WDR27: variants seen among roughly 807,000 people sequenced by gnomAD.
The protein encoded by WDR27 is WD repeat domain 27.
In WDR27, 100 loss-of-function variants were observed where a neutral mutation model predicts 114.4. That is an observed-to-expected ratio of 0.87 (90% CI 0.74 to 1.03). The LOEUF (loss-of-function observed/expected upper bound fraction) is 1.03. WDR27 is among the 50% of genes least tolerant of loss of function. The pLI, the probability that WDR27 is intolerant of heterozygous loss-of-function variation, is 0.00. For synonymous variants in WDR27, 449 were observed against 423.1 expected (o/e 1.06, Z -0.75); for missense variants, 1,129 against 1,092.9 (o/e 1.03, Z -0.47).
Position 169,465,265 on chromosome 6 carries a change from A to G in WDR27, c.2646-7631T>C, listed in dbSNP as rs1022854415. Among the ~76,000 whole-genome samples, 437 of 149,762 alleles carry G rather than the reference A, an allele frequency of 2.9e-3. 1 individual carries two copies. The highest frequency in any genetic ancestry group is 4.0e-3 in the Non-Finnish European group (267 of 67,232). On this transcript the variant is annotated intron_variant, in intron 25 of 25. Coordinates refer to ENST00000448612, the MANE Select transcript of WDR27 (RefSeq NM_182552.5). ...AAGAGCAAAACTCCATCTCAAAAAAAAAAAAAAAAAAAAAAAGAAATAAAG... is the reference window on the plus strand; with the variant it reads ...AAGAGCAAAACTCCATCTCAAAAAAGAAAAAAAAAAAAAAAAGAAATAAAG...
chr6:169,566,536 C>T (rs9371144), intron 25 of WDR27, among the ~76,000 whole-genome samples: 14,832 of 152,240 alleles, frequency 0.097, 1,781 homozygotes, highest in East Asian at 0.58. Context: ...AATATTTTGA[C>T]GATGACCATT....
At chr6:169,574,786 G>A (rs1020428388) in intron 24 of WDR27, among the ~76,000 whole-genome samples, 1 of 152,164 alleles carries the variant, frequency 6.6e-6, no homozygotes, top group Non-Finnish European at 1.5e-5. Context: ...GAGGGGCCAG[G>A]CCAGCCACAC....
At position 169,628,398 on chromosome 6, in the gene WDR27, G is replaced by A. The variant is rs1017065970; in HGVS notation, c.2223+4549C>T. 5.9e-5 allele frequency among the ~76,000 whole-genome samples: 9 copies of A among 152,158 alleles called. 1 individual carries two copies. The highest frequency in any genetic ancestry group is 2.0e-4 in the Admixed American group (3 of 15,274). The stretch of plus-strand genomic sequence containing the variant: ...TTTGGAGCCTCATGCGCATCAGCCC[G>A]CCTGCAGGATTTAAAATATGAGTCG... On this transcript the variant is annotated intron_variant, in intron 21 of 25. Coordinates refer to ENST00000448612, the MANE Select transcript of WDR27 (RefSeq NM_182552.5).
intron 16 of WDR27, among the ~76,000 whole-genome samples, chr6:169,645,766 A>C (rs1356264521): frequency 6.8e-6 from 1 of 147,132 alleles, no homozygotes; most frequent in Non-Finnish European, 1.5e-5. Context: ...GTCACACTGT[A>C]GAAAAGCCTA....
At chr6:169,460,223 C>T (rs1784750401) in intron 25 of WDR27, among the ~76,000 whole-genome samples, 1 of 152,016 alleles carries the variant, frequency 6.6e-6, no homozygotes, top group Non-Finnish European at 1.5e-5. Context: ...GACACTAATG[C>T]ATTTAAAAGA....
intron 22 of WDR27, among the ~76,000 whole-genome samples, chr6:169,602,915 C>T (rs1808311945): frequency 6.7e-6 from 1 of 149,490 alleles, no homozygotes; most frequent in Admixed American, 6.7e-5. Context: ...GATCTAGGCT[C>T]ACTGCAACCT....
chr6:169,633,231 C>T (rs1244896645), intron 20 of WDR27, among the ~76,000 whole-genome samples, 163 bp from the exon 21 acceptor site: 1 of 152,202 alleles, frequency 6.6e-6, no homozygotes, highest in Non-Finnish European at 1.5e-5. Context: ...TGAGTCCAGT[C>T]CAGCCCCACC....
chr6:169,574,665 C>T (rs934506535), intron 24 of WDR27, among the ~76,000 whole-genome samples: 2 of 152,120 alleles, frequency 1.3e-5, no homozygotes, highest in African/African-American at 4.8e-5. Flanking sequence ...GGAGAGGGTG[C>T]CAGCTTCCAG....
At chr6:169,577,617 C>T (rs1802622957) in intron 24 of WDR27, among the ~76,000 whole-genome samples, 1 of 152,170 alleles carries the variant, frequency 6.6e-6, no homozygotes. Context: ...CAAGAACCGG[C>T]CCTGCGTGGG....
At chr6:169,430,139 C>G in the WDR27 span, among the ~76,000 whole-genome samples, 1 of 152,210 alleles carries the variant, frequency 6.6e-6, no homozygotes, top group East Asian at 1.9e-4. Context: ...ACACGTCAAA[C>G]CCACCATATG....
intron 2 of WDR27, among the ~76,000 whole-genome samples, chr6:169,682,796 G>C (rs1325564249): frequency 6.6e-6 from 1 of 152,094 alleles, no homozygotes; most frequent in African/African-American, 2.4e-5. Context: ...ATTCAAAATA[G>C]CTGTTTTAAG....
downstream of WDR27, among the ~76,000 whole-genome samples, chr6:169,454,763 G>C (rs745397): frequency 0.33 from 50,262 of 152,102 alleles, 9,811 homozygotes; most frequent in African/African-American, 0.54. Context: ...GCAAGCACCA[G>C]AAGGAATCTT....
At chr6:169,653,999 C>T (rs1054921292) in intron 13 of WDR27, among the ~76,000 whole-genome samples, 19 of 152,200 alleles carry the variant, frequency 1.2e-4, no homozygotes, top group Non-Finnish European at 2.5e-4. Context: ...ACCCAAACCC[C>T]TAGAAAGCAA....
intron 25 of WDR27, among the ~76,000 whole-genome samples, chr6:169,541,463 G>A (rs1034182092): frequency 3.3e-5 from 5 of 152,184 alleles, no homozygotes; most frequent in African/African-American, 1.2e-4. Context: ...CACAGCACAG[G>A]GCAGCACCGC....
rs554511800 is a variant in WDR27, at chr6:169,701,069, A to G, written c.-8+482T>C. Among the ~76,000 whole-genome samples the G allele has an allele frequency of 3.2e-4, 48 of 152,370 alleles. No individual in the cohort carries two copies. In the South Asian group the frequency reaches 9.7e-3, roughly 31 times the overall value. ...TCAGTAAACACAAGATAGTAATCCC[A>G]GATAAACTGGAAGCTGTAGAGTTAA... is the stretch of plus-strand genomic sequence containing the variant. On this transcript the variant is annotated intron_variant, in intron 1 of 25. Coordinates refer to ENST00000448612, the MANE Select transcript of WDR27 (RefSeq NM_182552.5).
rs371573664 is a variant in WDR27 at position 169,627,292 on chromosome 6, C to T, written c.2223+5655G>A. Among the ~76,000 whole-genome samples the T allele has an allele frequency of 2.2e-4, 33 of 152,274 alleles. 1 individual carries two copies. In the South Asian group the frequency reaches 2.5e-3, roughly 11 times the overall value. On this transcript the variant is annotated intron_variant, in intron 21 of 25. Coordinates refer to ENST00000448612, the MANE Select transcript of WDR27 (RefSeq NM_182552.5). ...TTTTTAAAAACAAATCTTAATTATGCTACAAATTCACTTCCTATATCTTCG... is the reference window on the plus strand; with the variant it reads ...TTTTTAAAAACAAATCTTAATTATGTTACAAATTCACTTCCTATATCTTCG...
intron 17 of WDR27, among the ~76,000 whole-genome samples, chr6:169,639,004 T>C (rs1304014901): frequency 1.3e-5 from 2 of 149,534 alleles, no homozygotes; most frequent in Non-Finnish European, 3.0e-5. Flanking sequence ...GGGTACTGCG[T>C]GGTGCTGGAT....
intron 25 of WDR27, among the ~76,000 whole-genome samples, chr6:169,563,261 C>T (rs1799930066): frequency 6.6e-6 from 1 of 152,168 alleles, no homozygotes; most frequent in Non-Finnish European, 1.5e-5. Context: ...AACTCCGCTG[C>T]AGCCAGGGTC....
At chr6:169,583,252 G>A (rs1803818765) in intron 23 of WDR27, among the ~76,000 whole-genome samples, 1 of 147,204 alleles carries the variant, frequency 6.8e-6, no homozygotes, top group African/African-American at 2.5e-5. Context: ...TTTAAGGAAG[G>A]AGTATAGATT....
Sources: gnomAD v4.1 joint callset for allele counts (sites outside exome capture counted in the v4.1 genomes callset) on GRCh38, gnomAD v4.1.1 for gene constraint, MANE v1.5 for transcripts, NCBI Gene and HGNC (gene_info 2026-07-23, HGNC 2026-07-21) for gene names.